The following SMYD2 variants were observed in gnomAD, a reference collection of about 807,000 sequenced individuals.
SMYD2 encodes the protein SET and MYND domain containing 2, also known as N-lysine methyltransferase SMYD2.
A neutral mutation model predicts 59.1 loss-of-function variants in SMYD2; 53 were observed. The ratio of observed to expected loss-of-function variants is 0.90; its 90% CI spans 0.72 to 1.13. The LOEUF (loss-of-function observed/expected upper bound fraction) is 1.13. SMYD2 is among the 50% of genes most tolerant of loss of function. The pLI is 0.00. For missense variants in SMYD2, 494 were observed against 544.7 expected, an observed-to-expected ratio of 0.91 and a Z score of 0.93; for synonymous variants, 208 against 198.8, an observed-to-expected ratio of 1.05 and a Z score of -0.39.
Position 214,318,761 on chromosome 1 carries a change from C to A in SMYD2, c.410-98C>A. On this transcript the variant is annotated intron_variant, in intron 4 of 11. Coordinates refer to ENST00000366957, the MANE Select transcript of SMYD2 (RefSeq NM_020197.3). This position sits in a 1 kb window ranked among gnomAD's most constrained non-coding sequence, Gnocchi z 5.4. The stretch of plus-strand genomic sequence containing the variant: ...TGTTAGTTTTGGGTTTTTTTTTTTT[C>A]GCCCGTTCCTTTCCTCTGTATCATT... 6.0e-5 allele frequency: 68 copies of A among 1,140,634 alleles called. No individual in the cohort carries two copies. Among genetic ancestry groups the A allele is most frequent in the Non-Finnish European group, 6.7e-5 (57 of 851,222 alleles). The allele number at this position is 1,140,634 out of a possible 1,614,324, so 70.7% of individuals were successfully genotyped here.
chr1:214,308,829 A>G (rs1242430255), intron 2 of SMYD2, among the ~76,000 whole-genome samples: 1 of 152,166 alleles, frequency 6.6e-6, no homozygotes, highest in African/African-American at 2.4e-5. Flanking sequence ...GAGACTTTAC[A>G]CACTACTTGG....
chr1:214,333,633 A>G (rs993331970), intron 10 of SMYD2: 2 of 152,874 alleles, frequency 1.3e-5, no homozygotes, highest in African/African-American at 4.8e-5. Flanking sequence ...TGCTGTATCT[A>G]AAGCCCCTGC....
At chr1:214,315,260 T>C (rs1410320678) in intron 3 of SMYD2, among the ~76,000 whole-genome samples, 1 of 152,240 alleles carries the variant, frequency 6.6e-6, no homozygotes, top group Non-Finnish European at 1.5e-5. Context: ...GAGTGTACTC[T>C]GTTCCCCTTT....
chr1:214,336,996 T>TAA lies in SMYD2; in HGVS notation c.*213_*214dup. 1 of 490,846 alleles carries TAA rather than the reference T, an allele frequency of 2.0e-6. No homozygotes were observed. The highest frequency in any genetic ancestry group is 3.6e-6 in the Non-Finnish European group (1 of 280,082). The allele number at this position is 490,846 out of a possible 1,614,324, so 30.4% of individuals were successfully genotyped here. A position where few individuals can be genotyped will look rare whatever the true frequency, so the allele number is the denominator to read the frequency against. On this transcript the variant is annotated 3_prime_UTR_variant, in exon 12 of 12. Coordinates refer to ENST00000366957, the MANE Select transcript of SMYD2 (RefSeq NM_020197.3). The stretch of plus-strand genomic sequence containing the variant: ...ATTAATTTTGAATGCTTTTGTTTCC[T>TAA]AAGAGATAATGGCATGGTTTCATAT...
chr1:214,309,484 A>G (rs1024571502), intron 2 of SMYD2, among the ~76,000 whole-genome samples: 2 of 152,192 alleles, frequency 1.3e-5, no homozygotes, highest in Non-Finnish European at 2.9e-5. Context: ...AACTCTAATG[A>G]ATGTAAAGAA....
At chr1:214,320,231 A>G (rs1657149470) in intron 5 of SMYD2, among the ~76,000 whole-genome samples, 2 of 152,232 alleles carry the variant, frequency 1.3e-5, no homozygotes, top group Non-Finnish European at 2.9e-5. Flanking sequence ...AATGCTGATG[A>G]CATAACATTA....
intron 1 of SMYD2, among the ~76,000 whole-genome samples, chr1:214,283,897 T>G (rs940505797): frequency 1.3e-5 from 2 of 152,186 alleles, no homozygotes; most frequent in African/African-American, 4.8e-5. Context: ...ATCTAACTTT[T>G]TTTGAAGAAA....
chr1:214,282,128 A>G (rs1348294000), intron 1 of SMYD2, among the ~76,000 whole-genome samples: 3 of 152,220 alleles, frequency 2.0e-5, no homozygotes, highest in Admixed American at 6.5e-5. Context: ...GTAAGATACC[A>G]TATGTATATA....
At chr1:214,304,778 G>A (rs1656891277) in intron 1 of SMYD2, among the ~76,000 whole-genome samples, 2 of 152,148 alleles carry the variant, frequency 1.3e-5, no homozygotes, top group Admixed American at 6.5e-5. Context: ...CTTCAATGTG[G>A]TTTTATTTCT....
At position 214,327,701 on chromosome 1, in the gene SMYD2, C is replaced by T. The variant is rs866032840; in HGVS notation, c.682C>T (p.Gln228Ter). 2.0e-5 allele frequency: 32 copies of T among 1,613,998 alleles called. No homozygotes were observed. The highest frequency in any genetic ancestry group is 1.6e-4 in the Middle Eastern group (1 of 6,082). The change falls in exon 7 of 12, where the codon CAG (glutamine) becomes TAG (stop). Residue 228 changes from glutamine (Q) to a stop codon, truncating the protein, a stop_gained. Transcript: ENST00000366957. LOFTEE classifies it high-confidence loss of function. Reference sequence around the variant, plus strand: ...GACCCTGGCAGAAGTCAGAGCTGTACAGGAAATCAAGCCGGGAGAGGAGGT... The same window carrying T: ...GACCCTGGCAGAAGTCAGAGCTGTATAGGAAATCAAGCCGGGAGAGGAGGT... ...KGTLAEVRAV[Q>*]EIKPGEEVFT...
intron 2 of SMYD2, among the ~76,000 whole-genome samples, chr1:214,308,065 C>T (rs981969517): frequency 3.3e-5 from 5 of 152,216 alleles, no homozygotes; most frequent in Non-Finnish European, 7.3e-5. Context: ...TGGAGTTTCC[C>T]CTGCTGCTCA....
At position 214,318,219 on chromosome 1, in the gene SMYD2, G is replaced by C; in HGVS notation, c.409+80G>C. ...GTTGGGCAGGATTGAAGCGAGGACG[G>C]GCTAGTTTGTGCTCAGAGGAGTAGT... On this transcript the variant is annotated intron_variant, in intron 4 of 11. Coordinates refer to ENST00000366957, the MANE Select transcript of SMYD2 (RefSeq NM_020197.3). This position sits in a 1 kb window ranked among gnomAD's most constrained non-coding sequence, Gnocchi z 5.4. 1 of 1,343,784 alleles carries C rather than the reference G, an allele frequency of 7.4e-7. No homozygotes were observed. Among genetic ancestry groups the C allele is most frequent in the Non-Finnish European group, 1.0e-6 (1 of 953,228 alleles). 83.2% of individuals were successfully genotyped at this position (1,343,784 alleles called of 1,614,324 possible).
intron 1 of SMYD2, among the ~76,000 whole-genome samples, chr1:214,287,346 G>C (rs1386780137): frequency 6.6e-6 from 1 of 151,934 alleles, no homozygotes; most frequent in East Asian, 2.0e-4. Flanking sequence ...CAGCAGTTTG[G>C]GAAGCCGAGG....
At chr1:214,290,061 T>A (rs1656612196) in intron 1 of SMYD2, among the ~76,000 whole-genome samples, 1 of 152,206 alleles carries the variant, frequency 6.6e-6, no homozygotes, top group African/African-American at 2.4e-5. Flanking sequence ...CACCTCACTT[T>A]GTGTAACTTC....
chr1:214,336,709 T>G lies in SMYD2; in HGVS notation c.1227T>G (p.Ile409Met), dbSNP rs1269167890. 1 of 1,613,776 alleles carries G rather than the reference T, an allele frequency of 6.2e-7. No homozygotes were observed. The highest frequency in any genetic ancestry group is 8.5e-7 in the Non-Finnish European group (1 of 1,179,912). ...AAGEKALKKAIAIMEVAHGKD... is the reference protein window; with the variant it reads ...AAGEKALKKAMAIMEVAHGKD... ...TTTGTCTTGCTTTTTCCTAGGCCATTGCAATCATGGAAGTAGCTCACGGCA... is the reference window on the plus strand; with the variant it reads ...TTTGTCTTGCTTTTTCCTAGGCCATGGCAATCATGGAAGTAGCTCACGGCA... Residue 409 changes from isoleucine to methionine, a missense_variant, in exon 12 of 12, where the codon ATT becomes ATG. Ile to Met is a conservative substitution (Grantham distance 10). Coordinates refer to ENST00000366957, the MANE Select transcript of SMYD2 (RefSeq NM_020197.3).
intron 1 of SMYD2, among the ~76,000 whole-genome samples, chr1:214,304,268 T>G (rs1265731367): frequency 6.6e-6 from 1 of 152,018 alleles, no homozygotes; most frequent in East Asian, 1.9e-4. Flanking sequence ...TTCAAGAATC[T>G]ATTTCTTGGT....
At chr1:214,325,985 A>G (rs1046642537) in intron 6 of SMYD2, among the ~76,000 whole-genome samples, 4 of 152,004 alleles carry the variant, frequency 2.6e-5, no homozygotes, top group Non-Finnish European at 5.9e-5. Flanking sequence ...CACACCTATA[A>G]TCCCAGCACT....
intron 1 of SMYD2, among the ~76,000 whole-genome samples, chr1:214,293,454 C>T (rs1047137727): frequency 6.6e-6 from 1 of 152,116 alleles, no homozygotes; most frequent in Non-Finnish European, 1.5e-5. Context: ...ATTTTTTGAA[C>T]ATCCTACTAT....
In SMYD2 at chr1:214,327,744, TGGCTGCAGCAGGG is replaced by T; in HGVS notation, c.705+25_705+37del. 6.2e-7 allele frequency: 1 copy of T among 1,606,502 alleles called. No individual in the cohort carries two copies. The highest frequency in any genetic ancestry group is 8.5e-7 in the Non-Finnish European group (1 of 1,173,198). On this transcript the variant is annotated intron_variant, in intron 7 of 11. Transcript: ENST00000366957. The stretch of plus-strand genomic sequence containing the variant: ...GAGGAGGTGAGTTCATGGCTATGGG[TGGCTGCAGCAGGG>T]GGCTTGAGACTGCTCTTTAAAAGGC...
Sources: gnomAD v4.1 joint callset for allele counts (sites outside exome capture counted in the v4.1 genomes callset) on GRCh38, gnomAD v4.1.1 for gene constraint, Gnocchi (gnomAD v3.1) non-coding constraint, MANE v1.5 for transcripts, NCBI Gene and HGNC (gene_info 2026-07-23, HGNC 2026-07-21) for gene names.